RORB: variants seen among roughly 807,000 people sequenced by gnomAD.
RORB encodes RAR related orphan receptor B.
RORB carries 6 observed loss-of-function variants against 59.1 expected under a neutral mutation model. The ratio of observed to expected loss-of-function variants is 0.10; its 90% CI spans 0.06 to 0.20. The LOEUF (loss-of-function observed/expected upper bound fraction) is 0.20, where lower values mean the gene tolerates loss of function less well. RORB is among the 10% of genes least tolerant of loss of function. The probability of loss-of-function intolerance (pLI) is 1.00; values close to 1 mark genes in which losing one functional copy is unlikely to be tolerated. For synonymous variants in RORB, 215 were observed against 204.5 expected, an observed-to-expected ratio of 1.05 and a Z score of -0.44; for missense variants, 320 against 560.5, an observed-to-expected ratio of 0.57 and a Z score of 4.33.
chr9:74,535,751 T>A (rs1353907356), intron 1 of RORB, among the ~76,000 whole-genome samples: 1 of 152,040 alleles, frequency 6.6e-6, no homozygotes, highest in Non-Finnish European at 1.5e-5. Flanking sequence ...AGAAAAAAAT[T>A]GGGGAATTGC....
intron 9 of RORB, among the ~76,000 whole-genome samples, chr9:74,672,411 G>C (rs930714948): frequency 6.6e-6 from 1 of 152,144 alleles, no homozygotes; most frequent in Non-Finnish European, 1.5e-5. Context: ...CACTTCTCAG[G>C]TATGTTATAA....
intron 1 of RORB, among the ~76,000 whole-genome samples, chr9:74,592,550 A>T (rs1031807748): frequency 6.6e-6 from 1 of 152,160 alleles, no homozygotes; most frequent in African/African-American, 2.4e-5. Context: ...AGAGAAAAAC[A>T]AGTACTACCT....
intron 1 of RORB, among the ~76,000 whole-genome samples, chr9:74,599,830 G>C (rs1432964873): frequency 6.6e-6 from 1 of 152,146 alleles, no homozygotes; most frequent in Non-Finnish European, 1.5e-5. Context: ...CCCCAGAATG[G>C]TGACTGAGCC....
intron 1 of RORB, among the ~76,000 whole-genome samples, chr9:74,525,459 T>C (rs1173170150): frequency 2.6e-5 from 4 of 151,966 alleles, no homozygotes; most frequent in Admixed American, 1.3e-4. Context: ...TGTTACTCTT[T>C]CATAGAGGAA....
chr9:74,648,941 C>T lies in RORB; in HGVS notation c.637+6126C>T, dbSNP rs931859239. On this transcript the variant is annotated intron_variant, in intron 4 of 9. Coordinates refer to ENST00000376896, the MANE Select transcript of RORB (RefSeq NM_006914.4). ...TTCCAAGCTCCTCTTGAAGAAAAAG[C>T]AAATATGTTCATAAAATGAAGATAG... Among the ~76,000 whole-genome samples, 50 of 151,620 alleles carry T rather than the reference C, an allele frequency of 3.3e-4. 1 individual carries two copies. Among genetic ancestry groups the T allele is most frequent in the African/African-American group, 1.1e-3 (46 of 41,360 alleles).
intron 1 of RORB, among the ~76,000 whole-genome samples, chr9:74,504,913 A>G (rs1444055268): frequency 6.6e-6 from 1 of 152,098 alleles, no homozygotes; most frequent in Non-Finnish European, 1.5e-5. Flanking sequence ...ACTGCCCAAT[A>G]TAGAATTCTT....
At chr9:74,539,954 A>G (rs1056189443) in intron 1 of RORB, among the ~76,000 whole-genome samples, 1 of 152,106 alleles carries the variant, frequency 6.6e-6, no homozygotes, top group Non-Finnish European at 1.5e-5. Context: ...ACAAAAAAGC[A>G]ATCATCATTG....
At chr9:74,602,890 GATA>G (rs1823090086) in intron 1 of RORB, among the ~76,000 whole-genome samples, 1 of 152,164 alleles carries the variant, frequency 6.6e-6, no homozygotes, top group Admixed American at 6.6e-5. Context: ...CCATAAGAAT[GATA>G]ATGTTTATAA....
At chr9:74,537,465 T>A (rs1826337399) in intron 1 of RORB, among the ~76,000 whole-genome samples, 3 of 151,956 alleles carry the variant, frequency 2.0e-5, no homozygotes, top group African/African-American at 7.2e-5. Flanking sequence ...CCACATGAAA[T>A]CCTCATCTCC....
chr9:74,546,112 G>A (rs1025808360), intron 1 of RORB, among the ~76,000 whole-genome samples: 1 of 152,158 alleles, frequency 6.6e-6, no homozygotes, highest in African/African-American at 2.4e-5. Flanking sequence ...GATCAGTGGG[G>A]ATGATCTAGA....
At chr9:74,593,206 C>A (rs1388384246) in intron 1 of RORB, among the ~76,000 whole-genome samples, 1 of 152,134 alleles carries the variant, frequency 6.6e-6, no homozygotes, top group East Asian at 1.9e-4. Context: ...GTGGCACACA[C>A]CTATAATCCC....
intron 1 of RORB, among the ~76,000 whole-genome samples, chr9:74,610,897 T>A (rs1026296005): frequency 3.3e-5 from 5 of 152,208 alleles, no homozygotes; most frequent in African/African-American, 1.2e-4. Flanking sequence ...GTTTAACAAG[T>A]TCCCAGTGAT....
chr9:74,557,289 G>A (rs772308849), intron 1 of RORB, among the ~76,000 whole-genome samples: 11 of 152,074 alleles, frequency 7.2e-5, no homozygotes, highest in Non-Finnish European at 1.5e-4. Flanking sequence ...CTATACTTGA[G>A]ACAGAGCTAC....
intron 1 of RORB, among the ~76,000 whole-genome samples, chr9:74,572,394 G>T (rs1822567235): frequency 6.6e-6 from 1 of 152,100 alleles, no homozygotes; most frequent in Non-Finnish European, 1.5e-5. Flanking sequence ...TCTTTTTCCT[G>T]AGCTTAGATG....
chr9:74,532,955 G>T lies in RORB; in HGVS notation c.7+34972G>T, dbSNP rs148433992. Among the ~76,000 whole-genome samples, 178 of 151,624 alleles carry T rather than the reference G, an allele frequency of 1.2e-3. 2 individuals are homozygous for T. Among genetic ancestry groups the T allele is most frequent in the African/African-American group, 4.0e-3 (167 of 41,382 alleles). On this transcript the variant is annotated intron_variant, in intron 1 of 9. Coordinates refer to ENST00000376896, the MANE Select transcript of RORB (RefSeq NM_006914.4). ...AATCAGGAAACTTTGCAAAAATTCA[G>T]ATTTTCAGTTTCTCTTTTAAAAAGT...
intron 1 of RORB, among the ~76,000 whole-genome samples, chr9:74,610,246 C>G (rs150792732): frequency 1.3e-3 from 201 of 152,252 alleles, no homozygotes; most frequent in African/African-American, 4.7e-3. Context: ...AAATTTCGTG[C>G]TAAATTAGTC....
At chr9:74,511,800 A>G (rs541831622) in intron 1 of RORB, among the ~76,000 whole-genome samples, 1 of 150,488 alleles carries the variant, frequency 6.6e-6, no homozygotes, top group Non-Finnish European at 1.5e-5. Context: ...ATGTTGCACA[A>G]CTGCTCTTTC....
intron 4 of RORB, among the ~76,000 whole-genome samples, chr9:74,646,398 G>A (rs1823899844): frequency 6.6e-6 from 1 of 152,160 alleles, no homozygotes; most frequent in Non-Finnish European, 1.5e-5. Flanking sequence ...CAAAAAGTCA[G>A]TTTTTGAATA....
chr9:74,505,528 T>C (rs1428065566), intron 1 of RORB, among the ~76,000 whole-genome samples: 1 of 151,994 alleles, frequency 6.6e-6, no homozygotes, highest in East Asian at 1.9e-4. Context: ...CCAGGGATGC[T>C]CAGGTTAATA....
Sources: allele counts gnomAD v4.1 joint callset (sites outside exome capture counted in the v4.1 genomes callset), GRCh38; gene constraint gnomAD v4.1.1; transcripts MANE v1.5; gene names NCBI Gene and HGNC (gene_info 2026-07-23, HGNC 2026-07-21).